CAPN2: variants seen among roughly 807,000 people sequenced by gnomAD.
The protein encoded by CAPN2 is calpain-2 catalytic subunit.
In CAPN2, 92 loss-of-function variants were observed where a neutral mutation model predicts 102.3. That is an observed-to-expected ratio of 0.90 (90% CI 0.76 to 1.07). The LOEUF (loss-of-function observed/expected upper bound fraction) is 1.07. Among genes scored for constraint, CAPN2 ranks in the 50% least tolerant of loss-of-function variants. CAPN2 has a pLI of 0.00. For missense variants in CAPN2, 800 were observed against 909.4 expected (o/e 0.88, Z 1.55); for synonymous variants, 340 against 355.4 (o/e 0.96, Z 0.49).
intron 2 of CAPN2, among the ~76,000 whole-genome samples, chr1:223,724,058 G>A (rs1195587958): frequency 6.6e-6 from 1 of 151,952 alleles, no homozygotes; most frequent in East Asian, 1.9e-4. Context: ...GTCTTATCTT[G>A]TCTCTGAGAT....
chr1:223,729,432 T>TTAA (rs1660275853), intron 2 of CAPN2, among the ~76,000 whole-genome samples: 1 of 152,174 alleles, frequency 6.6e-6, no homozygotes, highest in Non-Finnish European at 1.5e-5. Flanking sequence ...TTCTGTGAAA[T>TTAA]ATTTAAAGAG....
chr1:223,761,784 C>T (rs1661192017), intron 13 of CAPN2, 167 bp downstream of exon 13: 2 of 609,858 alleles, frequency 3.3e-6, no homozygotes, highest in East Asian at 2.8e-5. Flanking sequence ...GCTCTGGCCT[C>T]TGTGCTGGGG....
At chr1:223,720,176 G>A (rs1344107725) in intron 2 of CAPN2, among the ~76,000 whole-genome samples, 1 of 152,128 alleles carries the variant, frequency 6.6e-6, no homozygotes, top group Non-Finnish European at 1.5e-5. Context: ...GAGGGTAAAT[G>A]GAGTGACCTC....
chr1:223,744,922 T>C (rs1660715422), intron 3 of CAPN2, among the ~76,000 whole-genome samples: 1 of 150,062 alleles, frequency 6.7e-6, no homozygotes, highest in Admixed American at 6.6e-5. Flanking sequence ...GCACGTGCCC[T>C]TAATCCCAGC....
In CAPN2 at chr1:223,727,093, C is replaced by T. The variant is rs763288318; in HGVS notation, c.307+9262C>T. On this transcript the variant is annotated intron_variant, in intron 2 of 20. Coordinates refer to ENST00000295006, the MANE Select transcript of CAPN2 (RefSeq NM_001748.5). This position sits in a 1 kb window ranked among gnomAD's most constrained non-coding sequence, Gnocchi z 4.1. ...GCCTAGGACCTTGAGAGATGTGTCT[C>T]TCTGGGACAGGGTGTCAGGTCTGCT... Among the ~76,000 whole-genome samples, 5 of 152,192 alleles carry T rather than the reference C, an allele frequency of 3.3e-5. No individual in the cohort carries two copies. The highest frequency in any genetic ancestry group is 3.2e-3 in the Middle Eastern group (1 of 316).
chr1:223,707,079 C>CAAAAAAA (rs34249886), intron 1 of CAPN2, among the ~76,000 whole-genome samples: 1 of 80,934 alleles, frequency 1.2e-5, no homozygotes. Flanking sequence ...GACTCCACCT[C>CAAAAAAA]AAAAAAAAAA....
chr1:223,769,737 T>G (rs1413455531), intron 16 of CAPN2, 104 bp from the exon 17 acceptor site: 5 of 831,694 alleles, frequency 6.0e-6, no homozygotes, highest in Non-Finnish European at 1.0e-5. Context: ...AAACCCTCCT[T>G]GTGTATATGC....
rs764978585 is a variant in CAPN2, at chr1:223,772,243, A to C, written c.2079+4A>C. On this transcript the variant is annotated splice_donor_region_variant and intron_variant, in intron 20 of 20. Transcript: ENST00000295006. Reference sequence around the variant, plus strand: ...AATAGAGCTCGACCTTATCTCTGTGAGTCAGCAGGCCCCGCCTTGCTTCTA... The same window carrying C: ...AATAGAGCTCGACCTTATCTCTGTGCGTCAGCAGGCCCCGCCTTGCTTCTA... The C allele has an allele frequency of 5.0e-6, 8 of 1,613,420 alleles. No homozygotes were observed. The highest frequency in any genetic ancestry group is 5.9e-6 in the Non-Finnish European group (7 of 1,179,570).
rs185188585 is a variant in CAPN2 at position 223,756,207 on chromosome 1, C to T, written c.1305+558C>T. Among the ~76,000 whole-genome samples, 30 of 152,334 alleles carry T rather than the reference C, an allele frequency of 2.0e-4. No homozygotes were observed. Among genetic ancestry groups the T allele is most frequent in the Non-Finnish European group, 3.7e-4 (25 of 68,032 alleles). On this transcript the variant is annotated intron_variant, in intron 10 of 20. Transcript: ENST00000295006. The surrounding 1 kb of genome is among the most constrained non-coding windows in gnomAD (Gnocchi z 4.1). ...CTCTGAGCCACAGCCAGAGGGCAGCCGCATTGCAGTCTCCTCTCCGCCCTC... is the reference window on the plus strand; with the variant it reads ...CTCTGAGCCACAGCCAGAGGGCAGCTGCATTGCAGTCTCCTCTCCGCCCTC...
chr1:223,735,415 C>G lies in CAPN2; in HGVS notation c.308-8685C>G, dbSNP rs370421746. 2.3e-4 allele frequency among the ~76,000 whole-genome samples: 35 copies of G among 151,740 alleles called. 1 individual carries two copies. The highest frequency in any genetic ancestry group is 7.9e-4 in the Admixed American group (12 of 15,214). ...TGGTGGTGGGCGCCTGTAATCCCAGCTACTCAGGAGGCTGAGGCAGGAGAA... is the reference window on the plus strand; with the variant it reads ...TGGTGGTGGGCGCCTGTAATCCCAGGTACTCAGGAGGCTGAGGCAGGAGAA... On this transcript the variant is annotated intron_variant, in intron 2 of 20. Transcript: ENST00000295006.
At chr1:223,737,834 G>A (rs529637024) in intron 2 of CAPN2, among the ~76,000 whole-genome samples, 10 of 151,858 alleles carry the variant, frequency 6.6e-5, no homozygotes, top group African/African-American at 2.2e-4. Flanking sequence ...AAAAAGGCAT[G>A]CATGCTTTCA....
chr1:223,721,315 A>G (rs1196157940), intron 2 of CAPN2, among the ~76,000 whole-genome samples: 8 of 152,192 alleles, frequency 5.3e-5, no homozygotes, highest in Admixed American at 4.6e-4. Context: ...ACATTCTTAC[A>G]GGTGCTTGCC....
At position 223,754,551 on chromosome 1, in the gene CAPN2, C is replaced by T. The variant is rs1235374001; in HGVS notation, c.1136-929C>T. The stretch of plus-strand genomic sequence containing the variant: ...AAAAACAGGCAGCGGCCTTCGGAGC[C>T]ATAGCTGCCAACCCCTACACAAGAT... On this transcript the variant is annotated intron_variant, in intron 9 of 20. Coordinates refer to ENST00000295006, the MANE Select transcript of CAPN2 (RefSeq NM_001748.5). The surrounding 1 kb of genome is among the most constrained non-coding windows in gnomAD (Gnocchi z 4.7). Among the ~76,000 whole-genome samples the T allele has an allele frequency of 1.3e-5, 2 of 152,254 alleles. No homozygotes were observed. Among genetic ancestry groups the T allele is most frequent in the Admixed American group, 1.3e-4 (2 of 15,288 alleles).
upstream of CAPN2, among the ~76,000 whole-genome samples, chr1:223,709,807 C>G (rs1275761554): frequency 6.6e-6 from 1 of 152,216 alleles, no homozygotes; most frequent in Non-Finnish European, 1.5e-5. Flanking sequence ...AAAAACTGGT[C>G]TCTCTACAGG....
At chr1:223,704,155 G>T (rs927999513) in intron 1 of CAPN2, among the ~76,000 whole-genome samples, 1 of 152,076 alleles carries the variant, frequency 6.6e-6, no homozygotes, top group Non-Finnish European at 1.5e-5. Flanking sequence ...GCAGGGCATG[G>T]TGGCGCATGC....
At chr1:223,717,868 T>G (rs1659923184) in intron 2 of CAPN2, 37 bp downstream of exon 2, 2 of 1,516,310 alleles carry the variant, frequency 1.3e-6, no homozygotes, top group Non-Finnish European at 1.8e-6. Context: ...GGGGATCTTG[T>G]CTGTAAGGCT....
intron 11 of CAPN2, chr1:223,757,986 C>T (rs1661082476): frequency 1.3e-5 from 2 of 152,266 alleles, no homozygotes; most frequent in South Asian, 4.2e-4. Flanking sequence ...TCAGCCTCCC[C>T]AGTAGCTGGG....
chr1:223,740,661 G>C (rs765890886), intron 2 of CAPN2, among the ~76,000 whole-genome samples: 1 of 152,240 alleles, frequency 6.6e-6, no homozygotes, highest in Non-Finnish European at 1.5e-5. Context: ...AGGCTAAATT[G>C]TGGGAGCTAA....
In CAPN2 at chr1:223,749,903, G is replaced by A. The variant is rs188993249; in HGVS notation, c.813+781G>A. 1.2e-3 allele frequency among the ~76,000 whole-genome samples: 190 copies of A among 152,144 alleles called. 1 individual carries two copies. Among genetic ancestry groups the A allele is most frequent in the Middle Eastern group, 0.01 (3 of 294 alleles). On this transcript the variant is annotated intron_variant, in intron 6 of 20. Transcript: ENST00000295006. The stretch of plus-strand genomic sequence containing the variant: ...CATGCCACTGTCGTCCCAGCTACTC[G>A]GGAGGCTGAGGTGGGAGGATCACTT...
Sources: allele counts gnomAD v4.1 joint callset (sites outside exome capture counted in the v4.1 genomes callset), GRCh38; gene constraint gnomAD v4.1.1; non-coding constraint Gnocchi (gnomAD v3.1); transcripts MANE v1.5; gene names NCBI Gene and HGNC (gene_info 2026-07-23, HGNC 2026-07-21).